The following KCNN2 variants were observed in gnomAD, a reference collection of about 807,000 sequenced individuals.
KCNN2 encodes the protein small conductance calcium-activated potassium channel protein 2.
Under a neutral mutation model 55.5 loss-of-function variants are expected in KCNN2, and 24 were observed. That is an observed-to-expected ratio of 0.43 (90% confidence interval 0.31 to 0.61). The LOEUF (loss-of-function observed/expected upper bound fraction) is 0.61, where lower values mean the gene tolerates loss of function less well. Ranked by LOEUF, KCNN2 falls within the 20% of genes least tolerant of loss-of-function variation. The pLI is 0.08. For synonymous variants in KCNN2, 431 were observed against 336.1 expected, an observed-to-expected ratio of 1.28 and a Z score of -3.09; for missense variants, 754 against 853.6, an observed-to-expected ratio of 0.88 and a Z score of 1.45.
chr5:114,451,038 A>G (rs923559764), intron 3 of KCNN2, among the ~76,000 whole-genome samples: 4 of 152,234 alleles, frequency 2.6e-5, no homozygotes, highest in African/African-American at 9.6e-5. Flanking sequence ...GTGTTCTTAT[A>G]GGTTTTTAAC....
At chr5:114,109,966 T>C in intron 1 of KCNN2, among the ~76,000 whole-genome samples, 1 of 152,000 alleles carries the variant, frequency 6.6e-6, no homozygotes, top group East Asian at 1.9e-4. Flanking sequence ...AGGTGATTAG[T>C]CCATGAGGGC....
intron 1 of KCNN2, among the ~76,000 whole-genome samples, chr5:114,061,076 G>T (rs1025574570): frequency 3.9e-5 from 6 of 152,184 alleles, no homozygotes; most frequent in African/African-American, 1.4e-4. Flanking sequence ...GAATAATAGT[G>T]AGGATTCAGA....
chr5:114,432,892 C>A (rs1249253711), intron 3 of KCNN2, among the ~76,000 whole-genome samples: 1 of 152,222 alleles, frequency 6.6e-6, no homozygotes, highest in Non-Finnish European at 1.5e-5. Flanking sequence ...CGCTTGATTT[C>A]TCACTGGGCC....
rs1561537074 is a variant in KCNN2 at position 114,241,762 on chromosome 5, A to ATGTG, written c.-185+20197_-185+20198insTGTG. 2.0e-4 allele frequency among the ~76,000 whole-genome samples: 4 copies of ATGTG among 19,792 alleles called. 1 individual carries two copies. The highest frequency in any genetic ancestry group is 3.5e-4 in the Non-Finnish European group (4 of 11,308). The allele number at this position is 19,792 out of a possible 152,430, so 13.0% of individuals were successfully genotyped here. The stretch of plus-strand genomic sequence containing the variant: ...TATACGTATATATATGTATATATAT[A>ATGTG]CGTATATATATACATATATACGTAT... On this transcript the variant is annotated intron_variant, in intron 2 of 10. Transcript: ENST00000512097.
intron 1 of KCNN2, among the ~76,000 whole-genome samples, chr5:114,077,232 G>T (rs1390981919): frequency 6.6e-6 from 1 of 152,198 alleles, no homozygotes; most frequent in Non-Finnish European, 1.5e-5. Flanking sequence ...GTAAGCAGTT[G>T]GAATGGGACT....
chr5:114,460,672 G>T (rs1561398074), intron 3 of KCNN2, among the ~76,000 whole-genome samples: 1 of 152,202 alleles, frequency 6.6e-6, no homozygotes, highest in Non-Finnish European at 1.5e-5. Context: ...AGGACACTTT[G>T]CTGATATAGA....
At chr5:114,227,425 A>C (rs6594802) in intron 2 of KCNN2, among the ~76,000 whole-genome samples, 125,990 of 152,090 alleles carry the variant, frequency 0.83, 52,258 homozygotes, top group East Asian at 0.9. Flanking sequence ...TCATGCCCTA[A>C]AGTACCCCGT....
At chr5:114,065,521 C>T (rs1438091483) in intron 1 of KCNN2, among the ~76,000 whole-genome samples, 1 of 152,168 alleles carries the variant, frequency 6.6e-6, no homozygotes, top group Non-Finnish European at 1.5e-5. Flanking sequence ...TTTGATACTG[C>T]TTTTATAAGC....
chr5:114,392,834 C>T (rs1465733968), intron 2 of KCNN2, among the ~76,000 whole-genome samples: 2 of 148,848 alleles, frequency 1.3e-5, no homozygotes, highest in Admixed American at 1.3e-4. Flanking sequence ...CACTTTGTTA[C>T]ATCCAAATGC....
rs61070958 is a variant in KCNN2 at position 114,140,762 on chromosome 5, CATTATT to C, written c.-270-80681_-270-80676del. ...TATTGCAAAACATTACTGTCATCCTCATTATTATTATTATTATTATTATTATTATTA... is the reference window on the plus strand; with the variant it reads ...TATTGCAAAACATTACTGTCATCCTCATTATTATTATTATTATTATTATTA... On this transcript the variant is annotated intron_variant, in intron 1 of 10. Transcript: ENST00000512097. 8.6e-3 allele frequency among the ~76,000 whole-genome samples: 1,206 copies of C among 139,896 alleles called. 11 individuals carry two copies. The highest frequency in any genetic ancestry group is 0.016 in the African/African-American group (592 of 37,818). The allele number at this position is 139,896 out of a possible 152,430, so 91.8% of individuals were successfully genotyped here. A position where few individuals can be genotyped will look rare whatever the true frequency, so the allele number is the denominator to read the frequency against.
chr5:114,452,500 T>C (rs1322637046), intron 3 of KCNN2, among the ~76,000 whole-genome samples: 1 of 152,224 alleles, frequency 6.6e-6, no homozygotes, highest in Non-Finnish European at 1.5e-5. Context: ...CATCTACATA[T>C]TCTCAGTGCC....
At chr5:114,392,930 C>G (rs1430305541) in intron 2 of KCNN2, among the ~76,000 whole-genome samples, 1 of 149,944 alleles carries the variant, frequency 6.7e-6, no homozygotes, top group Non-Finnish European at 1.5e-5. Flanking sequence ...GGGCCATGAT[C>G]CCAAAAATGT....
At chr5:114,193,457 C>T (rs1265703712) in intron 1 of KCNN2, among the ~76,000 whole-genome samples, 3 of 152,182 alleles carry the variant, frequency 2.0e-5, no homozygotes, top group South Asian at 4.2e-4. Flanking sequence ...GAGTGAGAGC[C>T]CAAGCCTTCA....
chr5:114,187,817 CTTT>C (rs1289521116), intron 1 of KCNN2, among the ~76,000 whole-genome samples: 1 of 131,272 alleles, frequency 7.6e-6, no homozygotes, highest in African/African-American at 3.0e-5. Flanking sequence ...CCTTTTTTTT[CTTT>C]TTTTTTTTTT....
At chr5:114,154,925 G>T (rs1034751107) in intron 1 of KCNN2, among the ~76,000 whole-genome samples, 1 of 151,976 alleles carries the variant, frequency 6.6e-6, no homozygotes, top group African/African-American at 2.4e-5. Context: ...AGATGTACAC[G>T]TTTGTTACAT....
intron 1 of KCNN2, among the ~76,000 whole-genome samples, chr5:114,074,293 C>CGTGTGTGTGT (rs371882287): frequency 3.9e-3 from 562 of 144,572 alleles, no homozygotes; most frequent in Middle Eastern, 0.018. Context: ...GCCATGTTTG[C>CGTGTGTGTGT]GTGTGTGTGT....
intron 1 of KCNN2, among the ~76,000 whole-genome samples, chr5:114,175,701 C>G (rs1307740934): frequency 6.6e-6 from 1 of 152,246 alleles, no homozygotes; most frequent in African/African-American, 2.4e-5. Context: ...CACAAAAATT[C>G]AGGTAATAAA....
At chr5:114,250,854 C>A (rs774563448) in intron 2 of KCNN2, among the ~76,000 whole-genome samples, 20 of 152,288 alleles carry the variant, frequency 1.3e-4, no homozygotes, top group Admixed American at 4.6e-4. Flanking sequence ...CATCCATAGA[C>A]CATTCATTGC....
chr5:114,491,006 C>G (rs537854607), intron 6 of KCNN2, among the ~76,000 whole-genome samples: 1 of 152,090 alleles, frequency 6.6e-6, no homozygotes, highest in East Asian at 1.9e-4. Flanking sequence ...AAACAAACAA[C>G]AAGACAAGAT....
Sources: gnomAD v4.1 joint callset for allele counts (sites outside exome capture counted in the v4.1 genomes callset) on GRCh38, gnomAD v4.1.1 for gene constraint, MANE v1.5 for transcripts, NCBI Gene and HGNC (gene_info 2026-07-23, HGNC 2026-07-21) for gene names.